The following PICALM variants were observed in gnomAD, a reference collection of about 807,000 sequenced individuals.
PICALM encodes the protein phosphatidylinositol-binding clathrin assembly protein.
Under a neutral mutation model 80.5 loss-of-function variants are expected in PICALM, and 40 were observed. That is an observed-to-expected ratio of 0.50 (90% CI 0.39 to 0.65). The LOEUF is 0.65. PICALM is among the 30% of genes least tolerant of loss of function. The pLI is 0.00. For synonymous variants in PICALM, 288 were observed against 260.3 expected, an observed-to-expected ratio of 1.11 and a Z score of -1.02; for missense variants, 676 against 778.9, an observed-to-expected ratio of 0.87 and a Z score of 1.57.
intron 1 of PICALM, among the ~76,000 whole-genome samples, chr11:86,047,430 G>A (rs1458510521): frequency 1.3e-5 from 2 of 152,196 alleles, no homozygotes; most frequent in Non-Finnish European, 2.9e-5. Flanking sequence ...AAAGTTCTGG[G>A]CATTGCCCAT....
intron 17 of PICALM, among the ~76,000 whole-genome samples, chr11:85,977,260 C>T (rs962775339): frequency 1.4e-4 from 21 of 152,146 alleles, no homozygotes; most frequent in African/African-American, 4.3e-4. Context: ...AGAGTATGTA[C>T]GTTAGCTTTC....
At chr11:86,001,599 A>T (rs956644254) in intron 9 of PICALM, among the ~76,000 whole-genome samples, 1 of 152,238 alleles carries the variant, frequency 6.6e-6, no homozygotes, top group Non-Finnish European at 1.5e-5. Context: ...GCATACCAGT[A>T]ACACGTAACG....
At chr11:85,991,908 T>C (rs1221445280) in intron 12 of PICALM, among the ~76,000 whole-genome samples, 1 of 152,178 alleles carries the variant, frequency 6.6e-6, no homozygotes, top group Non-Finnish European at 1.5e-5. Context: ...CCAGGCAGAC[T>C]GCAGTGGTAC....
intron 1 of PICALM, among the ~76,000 whole-genome samples, chr11:86,046,604 T>C (rs1257383251): frequency 6.6e-6 from 1 of 152,238 alleles, no homozygotes; most frequent in Non-Finnish European, 1.5e-5. Flanking sequence ...CAATTACTGC[T>C]GCAAAACCTT....
In PICALM at chr11:85,991,799, T is replaced by C. The variant is rs147957173; in HGVS notation, c.1259-1400A>G. On this transcript the variant is annotated intron_variant, in intron 12 of 19. Transcript: ENST00000393346. ...GAATCAGAAAACAGTAATTCAGAAA[T>C]AGAAACTAGAAAATAGTTAAATAGT... 1.2e-4 allele frequency among the ~76,000 whole-genome samples: 19 copies of C among 152,126 alleles called. No homozygotes were observed. The East Asian group carries it at 3.5e-3, about 28-fold the overall frequency.
intron 2 of PICALM, among the ~76,000 whole-genome samples, chr11:86,029,235 AG>A (rs1181414859): frequency 6.6e-6 from 1 of 152,036 alleles, no homozygotes; most frequent in South Asian, 2.1e-4. Context: ...ATGTCCCCTA[AG>A]GGAAAAAAAA....
chr11:86,046,135 C>T (rs2096068128), intron 1 of PICALM, among the ~76,000 whole-genome samples: 1 of 152,186 alleles, frequency 6.6e-6, no homozygotes, highest in African/African-American at 2.4e-5. Flanking sequence ...AAGAGCTATT[C>T]ATTTTCAATA....
In PICALM at chr11:86,031,602, T is replaced by C; in HGVS notation, c.140A>G (p.Gln47Arg). The C allele has an allele frequency of 1.9e-6, 3 of 1,606,406 alleles. No homozygotes were observed. The highest frequency in any genetic ancestry group is 1.3e-5 in the African/African-American group (1 of 74,698). ...PKKKHLDYLIQCTNEMNVNIP... is the reference protein window; with the variant it reads ...PKKKHLDYLIRCTNEMNVNIP... The stretch of plus-strand genomic sequence containing the variant: ...GTTCACATTCATCTCATTTGTGCAC[T>C]GAATTAAGTCTGCAATAAAAAATTT... Residue 47 changes from glutamine to arginine, a missense_variant, in exon 2 of 20, where the codon CAG becomes CGG. By Grantham distance (43) the Gln-to-Arg change is conservative (BLOSUM62 1). Around this residue, in one of 2 missense-constraint regions of PICALM, gnomAD observed 285 missense variants for 395.4 expected, o/e 0.72. Coordinates refer to ENST00000393346, the MANE Select transcript of PICALM (RefSeq NM_007166.4).
chr11:86,058,833 G>A (rs766800139), intron 1 of PICALM, among the ~76,000 whole-genome samples: 1 of 152,126 alleles, frequency 6.6e-6, no homozygotes, highest in Non-Finnish European at 1.5e-5. Flanking sequence ...CTAGAGTTGT[G>A]CAAGGAAGCA....
intron 1 of PICALM, among the ~76,000 whole-genome samples, chr11:86,045,664 AT>A (rs2096061609): frequency 6.6e-6 from 1 of 151,888 alleles, no homozygotes; most frequent in Non-Finnish European, 1.5e-5. Context: ...ATAGATCTAT[AT>A]TTATACAATA....
At chr11:85,960,881 A>G (rs528011570) in intron 19 of PICALM, 23 of 397,702 alleles carry the variant, frequency 5.8e-5, no homozygotes, top group South Asian at 5.4e-4. Flanking sequence ...TGGTTTTGTC[A>G]TCTTTAATAA....
At chr11:86,042,026 A>C (rs1267389203) in intron 1 of PICALM, among the ~76,000 whole-genome samples, 2 of 152,162 alleles carry the variant, frequency 1.3e-5, no homozygotes, top group Non-Finnish European at 2.9e-5. Flanking sequence ...AGAAAGTGTA[A>C]ACCTAGAGCT....
chr11:85,970,181 T>G (rs1016107506), intron 19 of PICALM, among the ~76,000 whole-genome samples: 3 of 152,148 alleles, frequency 2.0e-5, no homozygotes, highest in African/African-American at 7.2e-5. Flanking sequence ...AAGAAAGCCC[T>G]TGCTAGACTG....
At chr11:85,969,101 G>A (rs2094011446) in intron 19 of PICALM, among the ~76,000 whole-genome samples, 2 of 152,150 alleles carry the variant, frequency 1.3e-5, no homozygotes, top group African/African-American at 4.8e-5. Context: ...AATCAAGTCT[G>A]AGCTAACAGC....
intron 19 of PICALM, chr11:85,960,600 G>C: frequency 1.7e-6 from 1 of 579,986 alleles, no homozygotes; most frequent in East Asian, 5.4e-5. Flanking sequence ...TGAAAGAGAA[G>C]CGTGAATTGT....
At chr11:86,004,705 A>G (rs2095240391) in intron 8 of PICALM, among the ~76,000 whole-genome samples, 1 of 152,148 alleles carries the variant, frequency 6.6e-6, no homozygotes, top group Non-Finnish European at 1.5e-5. Flanking sequence ...CAGTTTCTGG[A>G]TACAGGATCT....
chr11:86,062,026 T>A (rs1272262112), intron 1 of PICALM, among the ~76,000 whole-genome samples: 4 of 152,148 alleles, frequency 2.6e-5, no homozygotes, highest in Non-Finnish European at 4.4e-5. Context: ...CTATAGACTG[T>A]ATGATTCCAA....
intron 7 of PICALM, among the ~76,000 whole-genome samples, chr11:86,008,663 G>A (rs1671980319): frequency 6.6e-6 from 1 of 152,004 alleles, no homozygotes; most frequent in Non-Finnish European, 1.5e-5. Context: ...TTACTCAGAT[G>A]TTACTAATCA....
chr11:86,045,519 C>CGAAA (rs1394290691), intron 1 of PICALM, among the ~76,000 whole-genome samples: 2 of 47,770 alleles, frequency 4.2e-5, no homozygotes, highest in East Asian at 2.0e-3. Context: ...TCTTGAAATT[C>CGAAA]AAAAAAAAAA....
Sources: gnomAD v4.1 joint callset for allele counts (sites outside exome capture counted in the v4.1 genomes callset) on GRCh38, gnomAD v4.1.1 for gene constraint, gnomAD v4.1.1 regional missense constraint, MANE v1.5 for transcripts, NCBI Gene and HGNC (gene_info 2026-07-23, HGNC 2026-07-21) for gene names.